The following MAPK8 variants were observed in gnomAD, a reference collection of about 807,000 sequenced individuals.
MAPK8 encodes mitogen-activated protein kinase 8, also known as JUN N-terminal kinase.
A neutral mutation model predicts 52.9 loss-of-function variants in MAPK8; 13 were observed. The observed-to-expected ratio is 0.25, with a 90% CI of 0.16 to 0.39. MAPK8 has a LOEUF of 0.39. Ranked by LOEUF, MAPK8 falls within the 10% of genes least tolerant of loss-of-function variation. The pLI, the probability that MAPK8 is intolerant of heterozygous loss-of-function variation, is 1.00. For synonymous variants in MAPK8, 191 were observed against 169.8 expected (o/e 1.12, Z -0.97); for missense variants, 300 against 519.2 (o/e 0.58, Z 4.10).
At chr10:48,412,290 C>T (rs187950319) in intron 5 of MAPK8, among the ~76,000 whole-genome samples, 113 of 152,262 alleles carry the variant, frequency 7.4e-4, no homozygotes, top group African/African-American at 2.5e-3. Flanking sequence ...TTTTGTCTTT[C>T]GCTTTCAACA....
At chr10:48,379,595 A>G (rs1338000428) in intron 1 of MAPK8, among the ~76,000 whole-genome samples, 2 of 152,228 alleles carry the variant, frequency 1.3e-5, no homozygotes. Context: ...GCTATGAGCT[A>G]TAAATGGCTC....
chr10:48,348,196 A>C lies in MAPK8; in HGVS notation c.-50+41375A>C, dbSNP rs144298934. ...TTGGCTGCATAAATGTCTTCTTTTGAGAAGTGTCTGTTCATATGTTTCACC... is the reference window on the plus strand; with the variant it reads ...TTGGCTGCATAAATGTCTTCTTTTGCGAAGTGTCTGTTCATATGTTTCACC... On this transcript the variant is annotated intron_variant, in intron 1 of 11. Transcript: ENST00000374189. Among the ~76,000 whole-genome samples, 358 of 152,310 alleles carry C rather than the reference A, an allele frequency of 2.4e-3. 1 individual carries two copies. Among genetic ancestry groups the C allele is most frequent in the African/African-American group, 8.3e-3 (344 of 41,552 alleles).
intron 1 of MAPK8, among the ~76,000 whole-genome samples, chr10:48,356,852 A>C (rs1847006918): frequency 1.5e-5 from 1 of 67,174 alleles, no homozygotes; most frequent in Non-Finnish European, 2.6e-5. Flanking sequence ...AAAAAAAAAA[A>C]AAAAAAAAAA....
chr10:48,379,883 T>C (rs973144276), intron 1 of MAPK8, among the ~76,000 whole-genome samples: 5 of 149,290 alleles, frequency 3.3e-5, no homozygotes, highest in African/African-American at 1.2e-4. Flanking sequence ...CAAAGTCCTT[T>C]CCACGAATTT....
At chr10:48,339,198 A>G (rs989606204) in intron 1 of MAPK8, among the ~76,000 whole-genome samples, 12 of 152,222 alleles carry the variant, frequency 7.9e-5, no homozygotes, top group East Asian at 3.8e-4. Context: ...CTGCAAGGCT[A>G]TTGTAACCAA....
chr10:48,424,567 T>G, intron 7 of MAPK8: 2 of 1,601,026 alleles, frequency 1.2e-6, no homozygotes, highest in Non-Finnish European at 1.7e-6. Flanking sequence ...AGGTGGTGTT[T>G]TGTTCCCAGG....
rs1458495707 is a variant in MAPK8, at chr10:48,417,758, A to G, written c.451-2397A>G. Among the ~76,000 whole-genome samples, 3 of 152,200 alleles carry G rather than the reference A, an allele frequency of 2.0e-5. No homozygotes were observed. In the South Asian group the frequency reaches 6.2e-4, roughly 31 times the overall value. On this transcript the variant is annotated intron_variant, in intron 5 of 11. Transcript: ENST00000374189. ...GGTGAGCAGGAATATTTGCAGAACA[A>G]TCTACCATACTTTCTTCCAGGGGTC... is the stretch of plus-strand genomic sequence containing the variant.
chr10:48,394,683 C>T (rs55710197), intron 1 of MAPK8, among the ~76,000 whole-genome samples: 14,437 of 151,824 alleles, frequency 0.095, 724 homozygotes, highest in Non-Finnish European at 0.11. Flanking sequence ...AGATCATGAA[C>T]AGGCACCACT....
At chr10:48,386,538 T>C (rs1344648187) in intron 1 of MAPK8, among the ~76,000 whole-genome samples, 2 of 152,212 alleles carry the variant, frequency 1.3e-5, no homozygotes, top group Non-Finnish European at 2.9e-5. Flanking sequence ...AAGCCAACTT[T>C]GGAATATTTT....
chr10:48,385,357 A>G (rs753803443), intron 1 of MAPK8, among the ~76,000 whole-genome samples: 41 of 152,352 alleles, frequency 2.7e-4, no homozygotes, highest in Admixed American at 3.9e-4. Flanking sequence ...CCACAAAAAA[A>G]CAAGCTATTT....
At chr10:48,396,091 A>C (rs192958040) in intron 1 of MAPK8, among the ~76,000 whole-genome samples, 5 of 152,234 alleles carry the variant, frequency 3.3e-5, no homozygotes, top group African/African-American at 4.8e-5. Flanking sequence ...GGAGAAAAAA[A>C]TAATGACTTG....
At chr10:48,412,055 A>C (rs1255964798) in intron 5 of MAPK8, among the ~76,000 whole-genome samples, 2 of 152,228 alleles carry the variant, frequency 1.3e-5, no homozygotes, top group African/African-American at 4.8e-5. Context: ...CATGTTGGTC[A>C]GGCTGGTCTC....
At chr10:48,318,188 TTTTG>T (rs1363790735) in intron 1 of MAPK8, among the ~76,000 whole-genome samples, 4 of 152,124 alleles carry the variant, frequency 2.6e-5, no homozygotes, top group Admixed American at 2.0e-4. Context: ...TGAGGCAGAA[TTTTG>T]TTTTTCTCAG....
At chr10:48,423,951 C>G (rs1295169161) in intron 6 of MAPK8, 137 bp from the exon 7 acceptor site, 3 of 512,434 alleles carry the variant, frequency 5.9e-6, no homozygotes, top group Non-Finnish European at 1.0e-5. Flanking sequence ...TTAAATTATT[C>G]CGTTAGCTAA....
chr10:48,390,301 A>C (rs1362044246), intron 1 of MAPK8, among the ~76,000 whole-genome samples: 1 of 152,170 alleles, frequency 6.6e-6, no homozygotes, highest in Non-Finnish European at 1.5e-5. Flanking sequence ...AAACACCTTC[A>C]CAGAAACACC....
In MAPK8 at chr10:48,436,197, T is replaced by C. The variant is rs2133413880; in HGVS notation, c.*1168T>C. ...CACAGCCATATATAGGATATCATTT[T>C]CTAAGGACTGTTTCTTCACATTGAG... is the stretch of plus-strand genomic sequence containing the variant. On this transcript the variant is annotated 3_prime_UTR_variant, in exon 12 of 12. Transcript: ENST00000374189. The C allele has an allele frequency of 2.0e-5, 3 of 152,394 alleles. No individual in the cohort carries two copies. Among genetic ancestry groups the C allele is most frequent in the Admixed American group, 2.0e-4 (3 of 15,310 alleles). 9.4% of individuals were successfully genotyped at this position (152,394 alleles called of 1,614,324 possible).
chr10:48,431,083 C>T (rs1172698006), intron 10 of MAPK8, 110 bp from the exon 11 acceptor site: 2 of 692,856 alleles, frequency 2.9e-6, no homozygotes, highest in Non-Finnish European at 5.2e-6. Context: ...ATTGTAAGGA[C>T]ACTGTTTGAA....
intron 11 of MAPK8, among the ~76,000 whole-genome samples, chr10:48,431,665 C>G (rs1032900153): frequency 1.3e-5 from 2 of 152,156 alleles, no homozygotes; most frequent in Non-Finnish European, 2.9e-5. Flanking sequence ...CTGTCTTTCT[C>G]TTTTTGATAT....
chr10:48,415,594 C>T (rs2043023070), intron 5 of MAPK8, among the ~76,000 whole-genome samples: 1 of 152,110 alleles, frequency 6.6e-6, no homozygotes, highest in South Asian at 2.1e-4. Context: ...AGGCTGAAGG[C>T]AGAGAGGTTG....
Sources: allele counts gnomAD v4.1 joint callset (sites outside exome capture counted in the v4.1 genomes callset), GRCh38; gene constraint gnomAD v4.1.1; transcripts MANE v1.5; gene names NCBI Gene and HGNC (gene_info 2026-07-23, HGNC 2026-07-21).